Variants in SREK1IP1 observed in about 807,000 individuals in gnomAD.
SREK1IP1 encodes the protein SREK1 interacting protein 1, also known as protein SREK1IP1.
A neutral mutation model predicts 22.8 loss-of-function variants in SREK1IP1; 12 were observed. The ratio of observed to expected loss-of-function variants is 0.53; its 90% confidence interval spans 0.34 to 0.85. SREK1IP1 has a LOEUF of 0.85. Among genes scored for constraint, SREK1IP1 ranks in the 40% least tolerant of loss-of-function variants. The pLI is 0.02. For missense variants in SREK1IP1, 147 were observed against 171.8 expected (o/e 0.86, Z 0.81); for synonymous variants, 53 against 52.7 (o/e 1.01, Z -0.02).
intron 2 of SREK1IP1, among the ~76,000 whole-genome samples, chr5:64,753,303 T>C (rs970700575): frequency 2.0e-5 from 3 of 152,096 alleles, no homozygotes; most frequent in Non-Finnish European, 4.4e-5. Context: ...TAAAAGAAAG[T>C]AAACAAAGTT....
Position 64,741,080 on chromosome 5 carries a change from T to G in SREK1IP1, c.182A>C (p.Lys61Thr). 2 of 1,611,704 alleles carry G rather than the reference T, an allele frequency of 1.2e-6. No individual in the cohort carries two copies. Among genetic ancestry groups the G allele is most frequent in the Non-Finnish European group, 1.7e-6 (2 of 1,179,136 alleles). ...DSDEENEELNKLQALQEKRIN... is the reference protein window; with the variant it reads ...DSDEENEELNTLQALQEKRIN... ...ACTTTTTTCCTGTAATGCCTGCAATTTATTCAGTTCTTCATTCTCTTCATC... is the reference window on the plus strand; with the variant it reads ...ACTTTTTTCCTGTAATGCCTGCAATGTATTCAGTTCTTCATTCTCTTCATC... Residue 61 changes from lysine to threonine, a missense_variant, in exon 3 of 5, where the codon AAA becomes ACA. Lys to Thr is a moderately conservative substitution (Grantham distance 78). Transcript: ENST00000513458.
chr5:64,729,282 G>T (rs538593149), intron 3 of SREK1IP1, among the ~76,000 whole-genome samples: 24 of 152,172 alleles, frequency 1.6e-4, no homozygotes, highest in Non-Finnish European at 2.9e-4. Flanking sequence ...TAGTTAAGTG[G>T]TGAGAAAGAA....
intron 3 of SREK1IP1, among the ~76,000 whole-genome samples, chr5:64,732,020 T>C (rs1445151014): frequency 6.6e-6 from 1 of 152,204 alleles, no homozygotes; most frequent in Non-Finnish European, 1.5e-5. Flanking sequence ...CCAATGACAA[T>C]GTACATCTGG....
At chr5:64,737,507 CAAAAAAA>C (rs34983078) in intron 3 of SREK1IP1, among the ~76,000 whole-genome samples, 1 of 95,086 alleles carries the variant, frequency 1.1e-5, no homozygotes, top group African/African-American at 3.4e-5. Context: ...TTCATACTGT[CAAAAAAA>C]AAAAAAAAAG....
At chr5:64,754,416 A>T in intron 1 of SREK1IP1, 54 bp from the exon 2 acceptor site, 1 of 1,545,164 alleles carries the variant, frequency 6.5e-7, no homozygotes, top group Non-Finnish European at 8.9e-7. Flanking sequence ...CGAAAACTTA[A>T]AAACTTTATT....
chr5:64,738,637 A>G (rs1233206706), intron 3 of SREK1IP1, among the ~76,000 whole-genome samples: 1 of 152,168 alleles, frequency 6.6e-6, no homozygotes, highest in Non-Finnish European at 1.5e-5. Flanking sequence ...AGACAGACAC[A>G]TAGACCAATG....
chr5:64,747,864 G>T (rs1742667209), intron 2 of SREK1IP1, among the ~76,000 whole-genome samples: 1 of 152,048 alleles, frequency 6.6e-6, no homozygotes, highest in South Asian at 2.1e-4. Flanking sequence ...GGAGGCAGAG[G>T]TTAGGTTGCA....
intron 2 of SREK1IP1, among the ~76,000 whole-genome samples, chr5:64,751,317 T>C (rs1742737076): frequency 2.6e-5 from 4 of 152,336 alleles, no homozygotes; most frequent in Admixed American, 1.3e-4. Flanking sequence ...ATGAGGAGTC[T>C]GTTATTATTC....
intron 2 of SREK1IP1, among the ~76,000 whole-genome samples, chr5:64,744,835 C>T (rs570041551): frequency 6.6e-6 from 1 of 152,336 alleles, no homozygotes; most frequent in African/African-American, 2.4e-5. Context: ...CTCATACTTA[C>T]ATATACTTAC....
chr5:64,726,072 T>C (rs1289884902), intron 4 of SREK1IP1, among the ~76,000 whole-genome samples: 1 of 151,752 alleles, frequency 6.6e-6, no homozygotes, highest in East Asian at 2.0e-4. Flanking sequence ...GGTTTCACTG[T>C]GTTGGCCAGG....
Position 64,724,343 on chromosome 5 carries a change from A to C in SREK1IP1, c.*41T>G, listed in dbSNP as rs1248522874. 1 of 1,485,226 alleles carries C rather than the reference A, an allele frequency of 6.7e-7. No individual in the cohort carries two copies. Among genetic ancestry groups the C allele is most frequent in the Non-Finnish European group, 8.9e-7 (1 of 1,117,708 alleles). 92.0% of individuals were successfully genotyped at this position (1,485,226 alleles called of 1,614,324 possible). ...CCAAGGAAGGGCAAACACGTTTTAA[A>C]AACAAATTTTTAAATTTAACGGCTT... is the stretch of plus-strand genomic sequence containing the variant. On this transcript the variant is annotated 3_prime_UTR_variant, in exon 5 of 5. Coordinates refer to ENST00000513458, the MANE Select transcript of SREK1IP1 (RefSeq NM_173829.4).
intron 1 of SREK1IP1, among the ~76,000 whole-genome samples, chr5:64,764,753 T>C (rs7713130): frequency 0.067 from 10,175 of 152,152 alleles, 1,115 homozygotes; most frequent in African/African-American, 0.23. Flanking sequence ...CCACCAATGA[T>C]AGGATCAGAT....
intron 1 of SREK1IP1, among the ~76,000 whole-genome samples, chr5:64,765,998 AGG>A (rs1235869330): frequency 1.3e-5 from 2 of 152,222 alleles, no homozygotes; most frequent in African/African-American, 4.8e-5. Flanking sequence ...CAGGATGCCT[AGG>A]CAATCTACTG....
chr5:64,759,602 G>A (rs146837698), intron 1 of SREK1IP1, among the ~76,000 whole-genome samples: 3 of 152,110 alleles, frequency 2.0e-5, no homozygotes, highest in Non-Finnish European at 2.9e-5. Flanking sequence ...AAATATTTGC[G>A]CCTCATAGGA....
chr5:64,725,126 C>G (rs899009869), intron 4 of SREK1IP1, among the ~76,000 whole-genome samples: 14 of 152,036 alleles, frequency 9.2e-5, no homozygotes, highest in African/African-American at 9.7e-5. Flanking sequence ...TGAATACTTG[C>G]ATTACAAAAT....
chr5:64,729,737 G>C (rs1378765833), intron 3 of SREK1IP1, among the ~76,000 whole-genome samples: 1 of 152,160 alleles, frequency 6.6e-6, no homozygotes, highest in African/African-American at 2.4e-5. Context: ...ATGATGGAAC[G>C]AAAGGAATCA....
At chr5:64,743,312 T>A (rs1181232253) in intron 2 of SREK1IP1, among the ~76,000 whole-genome samples, 1 of 152,228 alleles carries the variant, frequency 6.6e-6, no homozygotes, top group Non-Finnish European at 1.5e-5. Flanking sequence ...TACAGGTTCA[T>A]AGCCTAGCAA....
At chr5:64,741,771 A>C (rs1018650477) in intron 2 of SREK1IP1, among the ~76,000 whole-genome samples, 2 of 152,176 alleles carry the variant, frequency 1.3e-5, no homozygotes, top group Non-Finnish European at 2.9e-5. Context: ...TTATCTACTT[A>C]TGTATATGTT....
chr5:64,749,165 T>TAC (rs1290593111), intron 2 of SREK1IP1, among the ~76,000 whole-genome samples: 3 of 150,954 alleles, frequency 2.0e-5, no homozygotes, highest in African/African-American at 7.3e-5. Context: ...TGTCAATCTA[T>TAC]ACACACACAC....
Sources: gnomAD v4.1 joint callset for allele counts (sites outside exome capture counted in the v4.1 genomes callset) on GRCh38, gnomAD v4.1.1 for gene constraint, MANE v1.5 for transcripts, NCBI Gene and HGNC (gene_info 2026-07-23, HGNC 2026-07-21) for gene names.